The following SPNS3 variants were observed in gnomAD, a reference collection of about 807,000 sequenced individuals.
SPNS3 encodes the protein SPNS lysolipid transporter 3, sphingosine-1-phosphate (putative), also known as protein spinster homolog 3.
SPNS3 carries 51 observed loss-of-function variants against 54.4 expected under a neutral mutation model. The ratio of observed to expected loss-of-function variants is 0.94; its 90% confidence interval spans 0.75 to 1.18. SPNS3 has a LOEUF of 1.18. Among genes scored for constraint, SPNS3 ranks in the 50% most tolerant of loss-of-function variants. SPNS3 has a pLI of 0.00. For missense variants in SPNS3, 669 were observed against 677.4 expected (o/e 0.99, Z 0.14); for synonymous variants, 309 against 294.7 (o/e 1.05, Z -0.50).
chr17:4,486,674 T>C lies in SPNS3; in HGVS notation c.1450+91T>C. On this transcript the variant is annotated intron_variant, in intron 11 of 11. Transcript: ENST00000355530. The surrounding 1 kb of genome is among the most constrained non-coding windows in gnomAD (Gnocchi z 5.5). ...CCCCCTGAATCCCTGGCCAGTTTGT[T>C]TGTTCATTCATCCAGAAATGCTTAG... The C allele has an allele frequency of 5.9e-6, 8 of 1,365,086 alleles. No individual in the cohort carries two copies. The highest frequency in any genetic ancestry group is 7.9e-6 in the Non-Finnish European group (8 of 1,007,920). The allele number at this position is 1,365,086 out of a possible 1,614,324, so 84.6% of individuals were successfully genotyped here. A position where few individuals can be genotyped will look rare whatever the true frequency, so the allele number is the denominator to read the frequency against.
chr17:4,454,193 C>T lies in SPNS3; in HGVS notation c.1113+988C>T, dbSNP rs573656335. 7.2e-5 allele frequency among the ~76,000 whole-genome samples: 11 copies of T among 152,356 alleles called. No homozygotes were observed. In the East Asian group the frequency reaches 2.1e-3, roughly 29 times the overall value. Reference sequence around the variant, plus strand: ...CACCAAGGTTTATGGGGCCTGTCCACAGACAGGGAGCCCAAAGGGCAGGAC... The same window carrying T: ...CACCAAGGTTTATGGGGCCTGTCCATAGACAGGGAGCCCAAAGGGCAGGAC... On this transcript the variant is annotated intron_variant, in intron 8 of 11. Coordinates refer to ENST00000355530, the MANE Select transcript of SPNS3 (RefSeq NM_182538.5).
chr17:4,450,762 A>ATTTTTTTTTT (rs11415054), intron 7 of SPNS3, among the ~76,000 whole-genome samples: 1 of 127,204 alleles, frequency 7.9e-6, no homozygotes. Context: ...ATGCCCAGCT[A>ATTTTTTTTTT]TTTTTTTTTT....
intron 9 of SPNS3, among the ~76,000 whole-genome samples, chr17:4,481,059 A>T (rs148172391): frequency 6.6e-6 from 1 of 152,070 alleles, no homozygotes; most frequent in Non-Finnish European, 1.5e-5. Context: ...AGGGTGAGGG[A>T]GGGGAAGCAG....
At chr17:4,439,837 A>T in intron 2 of SPNS3, 114 bp downstream of exon 2, 38 of 931,348 alleles carry the variant, frequency 4.1e-5, no homozygotes, top group African/African-American at 1.5e-4. Flanking sequence ...CCTGGCACAG[A>T]GGGTGGGTGG....
rs373473473 is a variant in SPNS3 at position 4,456,868 on chromosome 17, C to T, written c.1113+3663C>T. On this transcript the variant is annotated intron_variant, in intron 8 of 11. Coordinates refer to ENST00000355530, the MANE Select transcript of SPNS3 (RefSeq NM_182538.5). Reference sequence around the variant, plus strand: ...TAGCTGGGATTACAGGCCCATGCCACCACACCCAGCTAATTTTTGTATTTT... The same window carrying T: ...TAGCTGGGATTACAGGCCCATGCCATCACACCCAGCTAATTTTTGTATTTT... 2.0e-5 allele frequency among the ~76,000 whole-genome samples: 3 copies of T among 152,288 alleles called. No homozygotes were observed. The South Asian group carries it at 6.2e-4, about 32-fold the overall frequency.
chr17:4,478,499 C>T lies in SPNS3; in HGVS notation c.1114-73C>T, dbSNP rs1410181151. ...GTAGCGTCCCAGTCTCTCCTCTCCA[C>T]AGGTGGGAAGCAACAGGTGGGGTTG... On this transcript the variant is annotated intron_variant, in intron 8 of 11. Transcript: ENST00000355530. 6.5e-6 allele frequency: 9 copies of T among 1,387,064 alleles called. No homozygotes were observed. In the Admixed American group the frequency reaches 1.8e-4, roughly 28 times the overall value. The allele number at this position is 1,387,064 out of a possible 1,614,324, so 85.9% of individuals were successfully genotyped here. A position where few individuals can be genotyped will look rare whatever the true frequency, so the allele number is the denominator to read the frequency against.
intron 9 of SPNS3, among the ~76,000 whole-genome samples, chr17:4,485,747 T>G (rs1972295598): frequency 6.6e-6 from 1 of 152,220 alleles, no homozygotes; most frequent in African/African-American, 2.4e-5. Flanking sequence ...TCGTGCGGGC[T>G]TCTCCAGCAA....
chr17:4,448,555 C>T (rs186202185), intron 6 of SPNS3, among the ~76,000 whole-genome samples: 2 of 152,348 alleles, frequency 1.3e-5, no homozygotes, highest in East Asian at 3.9e-4. Flanking sequence ...CCAGCCTTCC[C>T]TCTGCCCTGC....
intron 8 of SPNS3, among the ~76,000 whole-genome samples, chr17:4,465,682 G>A (rs763823369): frequency 5.3e-5 from 8 of 152,072 alleles, no homozygotes; most frequent in Non-Finnish European, 7.4e-5. Context: ...AGGTGGGATC[G>A]CCACCAATGT....
At position 4,471,718 on chromosome 17, in the gene SPNS3, G is replaced by A. The variant is rs557051321; in HGVS notation, c.1114-6854G>A. Among the ~76,000 whole-genome samples, 8 of 151,338 alleles carry A rather than the reference G, an allele frequency of 5.3e-5. No homozygotes were observed. The East Asian group carries it at 5.9e-4, about 11-fold the overall frequency. On this transcript the variant is annotated intron_variant, in intron 8 of 11. Coordinates refer to ENST00000355530, the MANE Select transcript of SPNS3 (RefSeq NM_182538.5). ...TCGGCTCAAGTGATCCACCCTCCTC[G>A]GCCTCCCAAAGTGCTGGGATTACAG...
chr17:4,464,799 A>C (rs1377362315), intron 8 of SPNS3, among the ~76,000 whole-genome samples: 3 of 149,962 alleles, frequency 2.0e-5, no homozygotes, highest in African/African-American at 7.4e-5. Context: ...TCCTGTCTCA[A>C]CCTCCTGAGT....
intron 8 of SPNS3, among the ~76,000 whole-genome samples, chr17:4,474,652 C>T (rs4790197): frequency 0.52 from 79,111 of 151,990 alleles, 20,997 homozygotes; most frequent in South Asian, 0.62. Flanking sequence ...TGTGCGTGTA[C>T]GCACATCCAC....
At chr17:4,436,683 C>CAGCTTCTTGGGTGAGAATGTATGGGGTG (rs1422195945) in intron 1 of SPNS3, among the ~76,000 whole-genome samples, 3 of 152,204 alleles carry the variant, frequency 2.0e-5, no homozygotes, top group Non-Finnish European at 4.4e-5. Context: ...GGGGTGAGAA[C>CAGCTTCTTGGGTGAGAATGTATGGGGTG]AGAGCTTCTT....
At chr17:4,485,707 T>A (rs1461252964) in intron 9 of SPNS3, among the ~76,000 whole-genome samples, 1 of 152,218 alleles carries the variant, frequency 6.6e-6, no homozygotes, top group African/African-American at 2.4e-5. Context: ...AGAGTTCATC[T>A]TCTTTATGTT....
rs1972304153 is a variant in SPNS3, at chr17:4,486,089, C to T, written c.1180-139C>T. On this transcript the variant is annotated intron_variant, in intron 9 of 11. Coordinates refer to ENST00000355530, the MANE Select transcript of SPNS3 (RefSeq NM_182538.5). This position sits in a 1 kb window ranked among gnomAD's most constrained non-coding sequence, Gnocchi z 5.5. Reference sequence around the variant, plus strand: ...GATGTTCTGGGGTGGGACTTTAGACCTTGGGGACCGTCGACTCCCTCCCAT... The same window carrying T: ...GATGTTCTGGGGTGGGACTTTAGACTTTGGGGACCGTCGACTCCCTCCCAT... The T allele has an allele frequency of 6.0e-6, 4 of 662,212 alleles. No homozygotes were observed. The highest frequency in any genetic ancestry group is 9.5e-6 in the Non-Finnish European group (4 of 419,044). 41.0% of individuals were successfully genotyped at this position (662,212 alleles called of 1,614,324 possible). A position where few individuals can be genotyped will look rare whatever the true frequency, so the allele number is the denominator to read the frequency against.
chr17:4,487,041 A>T (rs551775713), intron 11 of SPNS3, among the ~76,000 whole-genome samples: 8 of 151,962 alleles, frequency 5.3e-5, no homozygotes, highest in Admixed American at 3.9e-4. Context: ...GTGCGGTGGC[A>T]CACACCTGTA....
At chr17:4,439,255 C>T (rs1232486579) in intron 1 of SPNS3, among the ~76,000 whole-genome samples, 1 of 152,050 alleles carries the variant, frequency 6.6e-6, no homozygotes, top group Non-Finnish European at 1.5e-5. Flanking sequence ...TCCCGAGTAG[C>T]TGGGATTACA....
intron 1 of SPNS3, among the ~76,000 whole-genome samples, chr17:4,435,456 A>ATT (rs1243505119): frequency 3.7e-5 from 5 of 135,324 alleles, no homozygotes; most frequent in African/African-American, 1.8e-4. Context: ...AAAAAAAATA[A>ATT]AAAATAAAAA....
chr17:4,458,261 G>C (rs1455504996), intron 8 of SPNS3, among the ~76,000 whole-genome samples: 3 of 151,912 alleles, frequency 2.0e-5, no homozygotes, highest in Non-Finnish European at 4.4e-5. Flanking sequence ...CTGTTCTTCT[G>C]TTCTTCACAC....
Sources: gnomAD v4.1 joint callset for allele counts (sites outside exome capture counted in the v4.1 genomes callset) on GRCh38, gnomAD v4.1.1 for gene constraint, Gnocchi (gnomAD v3.1) non-coding constraint, MANE v1.5 for transcripts, NCBI Gene and HGNC (gene_info 2026-07-23, HGNC 2026-07-21) for gene names.